NAALADL2: variants seen among roughly 807,000 people sequenced by gnomAD.
NAALADL2 encodes N-acetylated alpha-linked acidic dipeptidase like 2.
Under a neutral mutation model 87.2 loss-of-function variants are expected in NAALADL2, and 76 were observed. That is an observed-to-expected ratio of 0.87 (90% CI 0.72 to 1.05). NAALADL2 has a LOEUF of 1.05. Ranked by LOEUF, NAALADL2 falls within the 50% of genes least tolerant of loss-of-function variation. The pLI is 0.00. For missense variants in NAALADL2, 1,089 were observed against 945.8 expected, an observed-to-expected ratio of 1.15 and a Z score of -1.99; for synonymous variants, 354 against 331.0, an observed-to-expected ratio of 1.07 and a Z score of -0.75.
At chr3:175,358,085 A>G (rs1030044024) in intron 5 of NAALADL2, among the ~76,000 whole-genome samples, 5 of 152,192 alleles carry the variant, frequency 3.3e-5, no homozygotes, top group African/African-American at 1.2e-4. Flanking sequence ...ATAAAATCGC[A>G]AGTGACATAA....
intron 1 of NAALADL2, among the ~76,000 whole-genome samples, chr3:175,068,197 A>G (rs530519440): frequency 8.2e-4 from 125 of 152,172 alleles, no homozygotes; most frequent in Admixed American, 2.4e-3. Flanking sequence ...GCTTCATGCA[A>G]TATGCCTATG....
chr3:175,454,649 A>C (rs550851922), intron 6 of NAALADL2, among the ~76,000 whole-genome samples: 1 of 152,172 alleles, frequency 6.6e-6, no homozygotes, highest in East Asian at 1.9e-4. Context: ...TCACAACTTA[A>C]ATTTTGACCT....
chr3:175,108,990 G>A lies in NAALADL2; in HGVS notation c.545+11699G>A, dbSNP rs1723724072. ...GCTAGATCTGAGTCAATTGCTGCTG[G>A]GTATAACATGTGGTCCAGATCTAAG... On this transcript the variant is annotated intron_variant, in intron 2 of 13. Coordinates refer to ENST00000454872, the MANE Select transcript of NAALADL2 (RefSeq NM_207015.3). Among the ~76,000 whole-genome samples the A allele has an allele frequency of 2.0e-5, 3 of 151,454 alleles. No individual in the cohort carries two copies. The Admixed American group carries it at 2.0e-4, about 10-fold the overall frequency.
At chr3:175,205,603 A>C (rs1417821765) in intron 2 of NAALADL2, among the ~76,000 whole-genome samples, 1 of 152,160 alleles carries the variant, frequency 6.6e-6, no homozygotes, top group Non-Finnish European at 1.5e-5. Flanking sequence ...GTTGGGTCTT[A>C]ATTAAACTAA....
chr3:175,252,385 T>A (rs1749215093), intron 3 of NAALADL2, among the ~76,000 whole-genome samples: 1 of 152,188 alleles, frequency 6.6e-6, no homozygotes, highest in African/African-American at 2.4e-5. Context: ...TGTTATTATT[T>A]TGAGGCACCA....
chr3:174,743,117 C>T (rs921703578), intron 3 of NAALADL2, among the ~76,000 whole-genome samples: 7 of 151,698 alleles, frequency 4.6e-5, no homozygotes, highest in South Asian at 2.1e-4. Flanking sequence ...ATCCTATCAA[C>T]GAAATAAGTT....
intron 5 of NAALADL2, among the ~76,000 whole-genome samples, chr3:175,391,175 G>A (rs1017216652): frequency 2.0e-5 from 3 of 152,114 alleles, no homozygotes; most frequent in Non-Finnish European, 2.9e-5. Flanking sequence ...TTAGCATGTC[G>A]AGATTCCCTC....
chr3:175,128,683 T>A (rs1727335704), intron 2 of NAALADL2, among the ~76,000 whole-genome samples: 1 of 152,150 alleles, frequency 6.6e-6, no homozygotes, highest in East Asian at 1.9e-4. Flanking sequence ...AAGGGAAGTG[T>A]TATAAAGCTC....
At chr3:175,484,429 C>G (rs1361320831) in intron 9 of NAALADL2, among the ~76,000 whole-genome samples, 9 of 152,054 alleles carry the variant, frequency 5.9e-5, no homozygotes, top group Admixed American at 5.9e-4. Flanking sequence ...TAAAATGCCA[C>G]TGTATGGATA....
chr3:174,497,331 T>G (rs1056380943), intron 1 of NAALADL2, among the ~76,000 whole-genome samples: 13 of 152,034 alleles, frequency 8.6e-5, no homozygotes, highest in Admixed American at 7.2e-4. Flanking sequence ...GATTTTCCTC[T>G]GGAAAACTTT....
intron 5 of NAALADL2, among the ~76,000 whole-genome samples, chr3:175,390,780 G>A (rs769001573): frequency 2.6e-5 from 4 of 152,030 alleles, no homozygotes; most frequent in Admixed American, 6.5e-5. Flanking sequence ...GGCAGTTAGC[G>A]GGTGCTAAAG....
intron 2 of NAALADL2, among the ~76,000 whole-genome samples, chr3:174,598,000 G>A (rs1363799455): frequency 2.6e-5 from 4 of 151,966 alleles, no homozygotes; most frequent in Non-Finnish European, 5.9e-5. Context: ...TATATTATAA[G>A]TTCTTTGAGT....
At chr3:174,602,899 C>T (rs1578276444) in intron 2 of NAALADL2, among the ~76,000 whole-genome samples, 1 of 151,962 alleles carries the variant, frequency 6.6e-6, no homozygotes, top group African/African-American at 2.4e-5. Flanking sequence ...GGTTTTTATT[C>T]TTCATTCTGT....
intron 1 of NAALADL2, among the ~76,000 whole-genome samples, chr3:174,947,514 C>T (rs1015891225): frequency 9.2e-5 from 14 of 151,852 alleles, no homozygotes; most frequent in Non-Finnish European, 2.9e-5. Flanking sequence ...TTAAAAATTC[C>T]CTGGAAAGTA....
chr3:175,700,210 A>T (rs1177330233), intron 11 of NAALADL2, among the ~76,000 whole-genome samples: 1 of 152,144 alleles, frequency 6.6e-6, no homozygotes, highest in East Asian at 1.9e-4. Flanking sequence ...TAAAAGTAAG[A>T]CTGGCTTTTG....
intron 8 of NAALADL2, among the ~76,000 whole-genome samples, chr3:175,468,899 A>G (rs972448921): frequency 2.6e-5 from 4 of 152,062 alleles, no homozygotes; most frequent in Non-Finnish European, 4.4e-5. Context: ...ATACACATTC[A>G]TTCTTAAGTT....
rs375580729 is a variant in NAALADL2 at position 175,530,762 on chromosome 3, G to A, written c.1654-45279G>A. 3.9e-5 allele frequency among the ~76,000 whole-genome samples: 6 copies of A among 152,270 alleles called. No homozygotes were observed. The South Asian group carries it at 8.3e-4, about 21-fold the overall frequency. On this transcript the variant is annotated intron_variant, in intron 9 of 13. Coordinates refer to ENST00000454872, the MANE Select transcript of NAALADL2 (RefSeq NM_207015.3). ...TCAGGACCTGCTCGAGATCCATCAC[G>A]TATATACCACTTCCATTTGATGATG... is the stretch of plus-strand genomic sequence containing the variant.
chr3:175,462,116 T>C (rs1029415554), intron 6 of NAALADL2, among the ~76,000 whole-genome samples: 54 of 152,296 alleles, frequency 3.5e-4, no homozygotes, highest in Non-Finnish European at 1.0e-4. Flanking sequence ...TGTGTCATTA[T>C]TGGTCTATCA....
intron 2 of NAALADL2, among the ~76,000 whole-genome samples, chr3:175,175,035 T>G (rs551960640): frequency 1.3e-5 from 2 of 152,138 alleles, no homozygotes; most frequent in East Asian, 3.9e-4. Context: ...TTCTCTTCTG[T>G]TTTTCGTTGT....
Sources: allele counts gnomAD v4.1 joint callset (sites outside exome capture counted in the v4.1 genomes callset), GRCh38; gene constraint gnomAD v4.1.1; transcripts MANE v1.5; gene names NCBI Gene and HGNC (gene_info 2026-07-23, HGNC 2026-07-21).